The following BRD1 variants were observed in gnomAD, a reference collection of about 807,000 sequenced individuals.
The protein encoded by BRD1 is bromodomain-containing protein 1.
Under a neutral mutation model 107.7 loss-of-function variants are expected in BRD1, and 24 were observed. The observed-to-expected ratio is 0.22, with a 90% confidence interval of 0.16 to 0.31. The LOEUF is 0.31. Ranked by LOEUF, BRD1 falls within the 10% of genes least tolerant of loss-of-function variation. The pLI is 1.00. For missense variants in BRD1, 1,279 were observed against 1,638.6 expected, an observed-to-expected ratio of 0.78 and a Z score of 3.79; for synonymous variants, 744 against 686.1, an observed-to-expected ratio of 1.08 and a Z score of -1.32.
chr22:49,788,339 G>A (rs1447941465), intron 7 of BRD1, among the ~76,000 whole-genome samples: 1 of 152,106 alleles, frequency 6.6e-6, no homozygotes, highest in Non-Finnish European at 1.5e-5. Context: ...TCTGGTCAAG[G>A]TCTTAAGTCA....
At chr22:49,815,172 G>C (rs1292049756) in intron 2 of BRD1, among the ~76,000 whole-genome samples, 1 of 152,222 alleles carries the variant, frequency 6.6e-6, no homozygotes, top group East Asian at 1.9e-4. Flanking sequence ...AGGCCAGTGA[G>C]AAACGCAGCC....
At position 49,777,081 on chromosome 22, in the gene BRD1, G is replaced by A. The variant is rs865872122; in HGVS notation, c.3074C>T (p.Ser1025Phe). 1 of 1,613,356 alleles carries A rather than the reference G, an allele frequency of 6.2e-7. No homozygotes were observed. Among genetic ancestry groups the A allele is most frequent in the Admixed American group, 1.7e-5 (1 of 60,036 alleles). Residue 1025 changes from serine (S) to phenylalanine (F), a missense_variant, in exon 10 of 13, where the codon TCC becomes TTC. Around this residue, in one of 7 missense-constraint regions of BRD1, gnomAD observed 263 missense variants for 251.6 expected, o/e 1.05. Coordinates refer to ENST00000404760, the MANE Select transcript of BRD1 (RefSeq NM_001304808.3). ...GGCGTAGTTCCCATTCTCGATGCAG[G>A]AGATCAGCTCACTGCGGTCCTCCAG... ...HTLEDRSELISCIENGNYAKA... is the reference protein window; with the variant it reads ...HTLEDRSELIFCIENGNYAKA...
At chr22:49,802,161 C>T (rs879510194) in intron 3 of BRD1, among the ~76,000 whole-genome samples, 48 of 151,438 alleles carry the variant, frequency 3.2e-4, no homozygotes, top group Non-Finnish European at 4.0e-4. Context: ...CCACTCTCTT[C>T]CTTTCCCCAA....
At position 49,776,190 on chromosome 22, in the gene BRD1, C is replaced by A. The variant is rs369838301; in HGVS notation, c.3122-31G>T. On this transcript the variant is annotated intron_variant, in intron 10 of 12. Transcript: ENST00000404760. ...GAGAGGGGCGTCAGCAGGACACAGG[C>A]GTCAGCAGGACACGGGGCACGCCCC... 4.0e-5 allele frequency: 63 copies of A among 1,581,604 alleles called. No homozygotes were observed. In the African/African-American group the frequency reaches 6.7e-4, roughly 17 times the overall value.
chr22:49,824,126 G>A lies in BRD1; in HGVS notation c.192C>T (p.Asp64=). 1 of 1,613,998 alleles carries A rather than the reference G, an allele frequency of 6.2e-7. No individual in the cohort carries two copies. The highest frequency in any genetic ancestry group is 8.5e-7 in the Non-Finnish European group (1 of 1,180,028). Residue 64 remains aspartate, a synonymous_variant, in exon 2 of 13, where the codon GAC becomes GAT. Coordinates refer to ENST00000404760, the MANE Select transcript of BRD1 (RefSeq NM_001304808.3). The surrounding 1 kb of genome is among the most constrained non-coding windows in gnomAD (Gnocchi z 5.9). The part of the protein sequence containing the change: ...FDPLEIILED[D]LTAQEMSECN... ...ACTCACTCATCTCTTGAGCAGTGAG[G>A]TCATCTTCCAATATGATCTCCAGGG...
chr22:49,787,472 A>C lies in BRD1; in HGVS notation c.2775T>G (p.Leu925=). ...TCCGCGACCTTTTCCTTGGCTGCAG[A>C]AGAGTCTCCAACCTCGGAAGGACTA... ...LSVVLPRLET[L]LQPRKRSRST... The change falls in exon 8 of 13, where the codon CTT becomes CTG. Residue 925 remains leucine (L), a synonymous_variant. Transcript: ENST00000404760. 2 of 1,614,214 alleles carry C rather than the reference A, an allele frequency of 1.2e-6. No individual in the cohort carries two copies. The highest frequency in any genetic ancestry group is 1.7e-6 in the Non-Finnish European group (2 of 1,180,036).
chr22:49,779,773 G>A (rs1569086060), intron 8 of BRD1, among the ~76,000 whole-genome samples: 1 of 151,770 alleles, frequency 6.6e-6, no homozygotes, highest in African/African-American at 2.4e-5. Flanking sequence ...CAGGAGCAGC[G>A]ACTCCATCCC....
At chr22:49,809,308 G>A (rs4824102) in intron 2 of BRD1, among the ~76,000 whole-genome samples, 14,857 of 151,952 alleles carry the variant, frequency 0.098, 957 homozygotes, top group South Asian at 0.17. Context: ...TTGGGAGGCC[G>A]AAGCAGGTGG....
rs1307462495 is a variant in BRD1 at position 49,787,564 on chromosome 22, T to C, written c.2683A>G (p.Lys895Glu). 2 of 1,585,934 alleles carry C rather than the reference T, an allele frequency of 1.3e-6. No individual in the cohort carries two copies. The highest frequency in any genetic ancestry group is 1.7e-6 in the Non-Finnish European group (2 of 1,165,358). The change falls in exon 8 of 13, where the codon AAG becomes GAG. Residue 895 changes from lysine (K) to glutamate (E), a missense_variant. Transcript: ENST00000404760. ...TGGGTTTCAGTGTTCTTGGCAGACT[T>C]TGGGGGGCTTACACTTTTCGATTTG... ...FCKSKSVSPP[K>E]SAKNTETQPT...
intron 8 of BRD1, among the ~76,000 whole-genome samples, chr22:49,782,573 G>A (rs2059232806): frequency 1.4e-5 from 2 of 140,996 alleles, no homozygotes; most frequent in African/African-American, 5.4e-5. Flanking sequence ...GCTGGGACTC[G>A]CTCCGTGACA....
In BRD1 at chr22:49,823,069, C is replaced by G; in HGVS notation, c.1249G>C (p.Val417Leu). The G allele has an allele frequency of 6.2e-7, 1 of 1,614,220 alleles. No homozygotes were observed. The highest frequency in any genetic ancestry group is 8.5e-7 in the Non-Finnish European group (1 of 1,180,048). The change falls in exon 2 of 13, where the codon GTT becomes CTT. Residue 417 changes from valine (V) to leucine (L), a missense_variant. Around this residue, in one of 7 missense-constraint regions of BRD1, gnomAD observed 87 missense variants for 77.1 expected, o/e 1.13. Coordinates refer to ENST00000404760, the MANE Select transcript of BRD1 (RefSeq NM_001304808.3). ...KNGVCRKESS[V>L]KTVRSTSKVR... Reference sequence around the variant, plus strand: ...TTGGATGTGGACCTGACCGTTTTAACCGAGCTCTCTTTTCGACAGACGCCA... The same window carrying G: ...TTGGATGTGGACCTGACCGTTTTAAGCGAGCTCTCTTTTCGACAGACGCCA...
At position 49,798,968 on chromosome 22, in the gene BRD1, C is replaced by A. The variant is rs201783665; in HGVS notation, c.1656+20G>T. 1.3e-6 allele frequency: 2 copies of A among 1,588,852 alleles called. No individual in the cohort carries two copies. The highest frequency in any genetic ancestry group is 1.3e-5 in the African/African-American group (1 of 74,474). On this transcript the variant is annotated intron_variant, in intron 4 of 12. Transcript: ENST00000404760. ...CCCGTGGCCAGTGGTGCACTCCACG[C>A]GGGACAGGCCCAGCCCCACCTGCTC...
At chr22:49,777,894 C>A in intron 8 of BRD1, 81 bp from the exon 9 acceptor site, 1 of 1,478,572 alleles carries the variant, frequency 6.8e-7, no homozygotes, top group Non-Finnish European at 9.0e-7. Context: ...ACACTTGGAA[C>A]ACATCTTACA....
At chr22:49,791,267 C>T (rs947108503) in intron 7 of BRD1, among the ~76,000 whole-genome samples, 2 of 152,314 alleles carry the variant, frequency 1.3e-5, no homozygotes, top group East Asian at 1.9e-4. Flanking sequence ...GCAGAGCCTG[C>T]GGGAGGGCCT....
chr22:49,794,597 G>A (rs2059496108), intron 6 of BRD1, among the ~76,000 whole-genome samples: 1 of 152,236 alleles, frequency 6.6e-6, no homozygotes, highest in Non-Finnish European at 1.5e-5. Flanking sequence ...CACTGAGGCT[G>A]CCTGTGCAGA....
In BRD1 at chr22:49,823,994, G is replaced by A. The variant is rs138837185; in HGVS notation, c.324C>T (p.His108=). 120 of 1,613,842 alleles carry A rather than the reference G, an allele frequency of 7.4e-5. 1 individual carries two copies. In the South Asian group the frequency reaches 7.8e-4, roughly 10 times the overall value. The change falls in exon 2 of 13, where the codon CAC becomes CAT. Residue 108 remains histidine (H), a synonymous_variant. Coordinates refer to ENST00000404760, the MANE Select transcript of BRD1 (RefSeq NM_001304808.3). The part of the protein sequence containing the change: ...KKKNEALPSA[H]GTPASASALP... Reference sequence around the variant, plus strand: ...GGGCACTGGCCGAGGCCGGCGTGCCGTGGGCGCTGGGGAGGGCCTCGTTTT... The same window carrying A: ...GGGCACTGGCCGAGGCCGGCGTGCCATGGGCGCTGGGGAGGGCCTCGTTTT...
chr22:49,817,235 G>A (rs2059970377), intron 2 of BRD1: 1 of 158,430 alleles, frequency 6.3e-6, no homozygotes, highest in Non-Finnish European at 1.4e-5. Context: ...AGTCACCCCT[G>A]GAGGTGATGT....
At chr22:49,805,293 C>G (rs2059719630) in intron 2 of BRD1, among the ~76,000 whole-genome samples, 1 of 152,200 alleles carries the variant, frequency 6.6e-6, no homozygotes, top group African/African-American at 2.4e-5. Context: ...CTGGCTCAAG[C>G]GTGGAGCCTG....
chr22:49,791,250 G>A (rs928892748), intron 7 of BRD1, among the ~76,000 whole-genome samples: 5 of 152,222 alleles, frequency 3.3e-5, no homozygotes, highest in South Asian at 2.1e-4. Context: ...ACTGAGTCGC[G>A]GCTACGGCAG....
Sources: allele counts gnomAD v4.1 joint callset (sites outside exome capture counted in the v4.1 genomes callset), GRCh38; gene constraint gnomAD v4.1.1; regional missense constraint gnomAD v4.1.1; non-coding constraint Gnocchi (gnomAD v3.1); transcripts MANE v1.5; gene names NCBI Gene and HGNC (gene_info 2026-07-23, HGNC 2026-07-21).